The following MRTFB variants were observed in gnomAD, a reference collection of about 807,000 sequenced individuals.
The protein encoded by MRTFB is myocardin related transcription factor B.
A neutral mutation model predicts 104.2 loss-of-function variants in MRTFB; 29 were observed. That is an observed-to-expected ratio of 0.28 (90% CI 0.21 to 0.38). The LOEUF is 0.38. MRTFB is among the 10% of genes least tolerant of loss of function. The pLI is 1.00. For synonymous variants in MRTFB, 535 were observed against 519.5 expected, an observed-to-expected ratio of 1.03 and a Z score of -0.41; for missense variants, 1,270 against 1,341.6, an observed-to-expected ratio of 0.95 and a Z score of 0.83.
At chr16:14,240,096 T>G (rs2042697323) in intron 9 of MRTFB, 141 bp from the exon 10 acceptor site, 2 of 1,022,278 alleles carry the variant, frequency 2.0e-6, no homozygotes. Flanking sequence ...TTGAAACGAA[T>G]TTAGCATATT....
chr16:14,113,202 C>T (rs1020768831), intron 2 of MRTFB, among the ~76,000 whole-genome samples: 2 of 152,148 alleles, frequency 1.3e-5, no homozygotes, highest in Admixed American at 1.3e-4. Flanking sequence ...TGCCACCACA[C>T]CCAGCTAATT....
chr16:14,005,199 C>T, the MRTFB span, among the ~76,000 whole-genome samples: 7 of 152,236 alleles, frequency 4.6e-5, no homozygotes, highest in African/African-American at 1.7e-4. Flanking sequence ...CAGCTTATTT[C>T]TACATTTCTT....
In MRTFB at chr16:14,263,085, C is replaced by G. The variant is rs1269959747; in HGVS notation, c.*1641C>G. ...CAAAAGTCTGCTTTTCCAGCATGAG[C>G]ACACTGGAGCCCTCTGCTCACTGGC... On this transcript the variant is annotated 3_prime_UTR_variant, in exon 17 of 17. Coordinates refer to ENST00000571589, the MANE Select transcript of MRTFB (RefSeq NM_001308142.2). 1 of 152,344 alleles carries G rather than the reference C, an allele frequency of 6.6e-6. No homozygotes were observed. Among genetic ancestry groups the G allele is most frequent in the Non-Finnish European group, 1.5e-5 (1 of 68,030 alleles). The allele number at this position is 152,344 out of a possible 1,614,324, so 9.4% of individuals were successfully genotyped here. A position where few individuals can be genotyped will look rare whatever the true frequency, so the allele number is the denominator to read the frequency against.
intron 8 of MRTFB, among the ~76,000 whole-genome samples, chr16:14,224,120 A>G (rs1415278505): frequency 6.6e-6 from 1 of 152,188 alleles, no homozygotes; most frequent in African/African-American, 2.4e-5. Flanking sequence ...GAAATGCTAC[A>G]CACTTTCAAA....
Position 14,247,331 on chromosome 16 carries a change from C to A in MRTFB, c.2071C>A (p.Gln691Lys), listed in dbSNP as rs1181718098. 1 of 1,614,228 alleles carries A rather than the reference C, an allele frequency of 6.2e-7. No individual in the cohort carries two copies. Among genetic ancestry groups the A allele is most frequent in the Middle Eastern group, 1.6e-4 (1 of 6,062 alleles). Reference sequence around the variant, plus strand: ...AGAGGTCCCTGTGGGCCAGGCAGAGCAGCAGAGTGTCGTCTCGCAGTTTTA... The same window carrying A: ...AGAGGTCCCTGTGGGCCAGGCAGAGAAGCAGAGTGTCGTCTCGCAGTTTTA... ...KQEVPVGQAE[Q>K]QSVVSQFYVS... The change falls in exon 12 of 17, where the codon CAG becomes AAG. Residue 691 changes from glutamine (Q) to lysine (K), a missense_variant. Around this residue, in one of 3 missense-constraint regions of MRTFB, gnomAD observed 1,144 missense variants for 1,131.5 expected, o/e 1.01. Coordinates refer to ENST00000571589, the MANE Select transcript of MRTFB (RefSeq NM_001308142.2).
intron 2 of MRTFB, among the ~76,000 whole-genome samples, chr16:14,088,751 A>G (rs1020704607): frequency 6.6e-6 from 1 of 152,222 alleles, no homozygotes; most frequent in African/African-American, 2.4e-5. Flanking sequence ...TAATTTGGTT[A>G]TAGAAGAGAA....
chr16:14,218,152 C>T (rs754980453), intron 7 of MRTFB, among the ~76,000 whole-genome samples: 2 of 152,228 alleles, frequency 1.3e-5, no homozygotes, highest in East Asian at 1.9e-4. Flanking sequence ...CTCTGCCTCC[C>T]GGGTTCATGC....
intron 3 of MRTFB, among the ~76,000 whole-genome samples, chr16:14,171,583 A>C (rs184774579): frequency 6.6e-6 from 1 of 152,110 alleles, no homozygotes; most frequent in East Asian, 1.9e-4. Flanking sequence ...CTTAATGATA[A>C]CTCCATTTTC....
chr16:14,192,506 A>AT (rs1294940734), intron 3 of MRTFB, among the ~76,000 whole-genome samples: 1 of 152,156 alleles, frequency 6.6e-6, no homozygotes, highest in Non-Finnish European at 1.5e-5. Flanking sequence ...AAGTTATATA[A>AT]TTTTTTTATT....
At position 14,214,459 on chromosome 16, in the gene MRTFB, G is replaced by A. The variant is rs894671062; in HGVS notation, c.352+839G>A. Among the ~76,000 whole-genome samples, 14 of 152,242 alleles carry A rather than the reference G, an allele frequency of 9.2e-5. 1 individual carries two copies. Among genetic ancestry groups the A allele is most frequent in the Admixed American group, 1.3e-4 (2 of 15,296 alleles). ...AGGATTAGAGTTAGTATTAAGTTAG[G>A]TTGATATTACCAAGTATTAGATTAT... On this transcript the variant is annotated intron_variant, in intron 6 of 16. Transcript: ENST00000571589.
chr16:14,130,832 G>A (rs898197441), intron 2 of MRTFB, among the ~76,000 whole-genome samples: 2 of 152,086 alleles, frequency 1.3e-5, no homozygotes, highest in Admixed American at 6.5e-5. Flanking sequence ...CCTTCTTCAC[G>A]GAACAGCAGG....
chr16:14,112,270 T>G (rs150192952), intron 2 of MRTFB, among the ~76,000 whole-genome samples: 193 of 151,874 alleles, frequency 1.3e-3, no homozygotes, highest in African/African-American at 4.1e-3. Context: ...ATTTGAGAGA[T>G]AGCTAGGAGG....
chr16:14,213,762 C>A, intron 6 of MRTFB, 142 bp downstream of exon 6: 1 of 567,708 alleles, frequency 1.8e-6, no homozygotes, highest in East Asian at 3.1e-5. Context: ...ACATGAAGAC[C>A]CAAAACTAAA....
At chr16:14,253,707 G>A (rs1199246392) in intron 15 of MRTFB, among the ~76,000 whole-genome samples, 3 of 152,198 alleles carry the variant, frequency 2.0e-5, no homozygotes, top group South Asian at 2.1e-4. Context: ...CCCGTAGGGG[G>A]CTGCCTCTTG....
chr16:14,246,578 G>A lies in MRTFB; in HGVS notation c.1318G>A (p.Gly440Ser), dbSNP rs147341066. The change falls in exon 12 of 17, where the codon GGC becomes AGC. Residue 440 changes from glycine to serine, a missense_variant. By Grantham distance (56) the Gly-to-Ser change is moderately conservative. Around this residue, in one of 3 missense-constraint regions of MRTFB, gnomAD observed 1,144 missense variants for 1,131.5 expected, o/e 1.01. Coordinates refer to ENST00000571589, the MANE Select transcript of MRTFB (RefSeq NM_001308142.2). ...ACCCTACCAGGAAGTGAACAGCAGCGGCCTTGCTGCTGGGGGCATCGTGGC... is the reference window on the plus strand; with the variant it reads ...ACCCTACCAGGAAGTGAACAGCAGCAGCCTTGCTGCTGGGGGCATCGTGGC... ...LKPYQEVNSS[G>S]LAAGGIVAVS... 8.7e-6 allele frequency: 14 copies of A among 1,614,074 alleles called. No individual in the cohort carries two copies. The highest frequency in any genetic ancestry group is 2.7e-5 in the African/African-American group (2 of 74,982).
At chr16:14,243,650 A>G (rs1316309405) in intron 10 of MRTFB, among the ~76,000 whole-genome samples, 7 of 152,194 alleles carry the variant, frequency 4.6e-5, no homozygotes, top group Non-Finnish European at 1.0e-4. Context: ...CAAGTGATGC[A>G]CCAACTTCTT....
chr16:14,232,491 T>C (rs1597327803), intron 8 of MRTFB, among the ~76,000 whole-genome samples: 1 of 152,328 alleles, frequency 6.6e-6, no homozygotes, highest in East Asian at 1.9e-4. Flanking sequence ...AGGTGTCCAT[T>C]CTCTTAGATG....
chr16:14,240,372 G>T lies in MRTFB; in HGVS notation c.967G>T (p.Asp323Tyr). ...QKGEKNEPQM[D>Y]SNYARLLQQQ... ...GGGTGAGAAGAATGAGCCGCAGATG[G>T]ACTCTAACTACGCCCGCCTGCTCCA... Residue 323 changes from aspartate to tyrosine, a missense_variant, in exon 10 of 17, where the codon GAC (aspartate) becomes TAC (tyrosine). Transcript: ENST00000571589. 1 of 1,614,154 alleles carries T rather than the reference G, an allele frequency of 6.2e-7. No individual in the cohort carries two copies. The highest frequency in any genetic ancestry group is 8.5e-7 in the Non-Finnish European group (1 of 1,180,018).
At chr16:14,150,376 C>T (rs913251286) in intron 3 of MRTFB, among the ~76,000 whole-genome samples, 2 of 152,128 alleles carry the variant, frequency 1.3e-5, no homozygotes, top group Non-Finnish European at 2.9e-5. Context: ...AGCACTGACC[C>T]CCGTGCAGTA....
Sources: gnomAD v4.1 joint callset for allele counts (sites outside exome capture counted in the v4.1 genomes callset) on GRCh38, gnomAD v4.1.1 for gene constraint, gnomAD v4.1.1 regional missense constraint, MANE v1.5 for transcripts, NCBI Gene and HGNC (gene_info 2026-07-23, HGNC 2026-07-21) for gene names.